Variants in TYW1B observed in about 807,000 individuals in gnomAD.
TYW1B encodes the protein S-adenosyl-L-methionine-dependent tRNA 4-demethylwyosine synthase TYW1B.
Under a neutral mutation model 86.9 loss-of-function variants are expected in TYW1B, and 73 were observed. The observed-to-expected ratio is 0.84, with a 90% confidence interval of 0.70 to 1.02. TYW1B has a LOEUF of 1.02. Among genes scored for constraint, TYW1B ranks in the 50% least tolerant of loss-of-function variants. The pLI is 0.00. For synonymous variants in TYW1B, 248 were observed against 292.8 expected, an observed-to-expected ratio of 0.85 and a Z score of 1.56; for missense variants, 637 against 827.4, an observed-to-expected ratio of 0.77 and a Z score of 2.82.
In TYW1B at chr7:72,575,734, A is replaced by G; in HGVS notation, c.1786-15T>C. ...CCAATTTTAAACTGGAAAGAAAAAA[A>G]TGTGTCAAGTCAGAAGTAAAAACAT... On this transcript the variant is annotated splice_polypyrimidine_tract_variant and intron_variant, in intron 13 of 13. Coordinates refer to ENST00000620995, the MANE Select transcript of TYW1B (RefSeq NM_001145440.3). 7.5e-6 allele frequency: 12 copies of G among 1,590,354 alleles called. No individual in the cohort carries two copies. The highest frequency in any genetic ancestry group is 1.0e-5 in the Non-Finnish European group (12 of 1,169,260).
chr7:72,758,188 C>G (rs577196766), intron 7 of TYW1B, among the ~76,000 whole-genome samples: 1 of 152,136 alleles, frequency 6.6e-6, no homozygotes, highest in African/African-American at 2.4e-5. Flanking sequence ...CCACTGTACT[C>G]CAGCCTGGGT....
Position 72,602,828 on chromosome 7 carries a change from C to A in TYW1B, c.1785+13844G>T, listed in dbSNP as rs540401871. Among the ~76,000 whole-genome samples, 4 of 110,362 alleles carry A rather than the reference C, an allele frequency of 3.6e-5. No individual in the cohort carries two copies. The East Asian group carries it at 1.3e-3, about 36-fold the overall frequency. 72.4% of individuals were successfully genotyped at this position (110,362 alleles called of 152,430 possible). A position where few individuals can be genotyped will look rare whatever the true frequency, so the allele number is the denominator to read the frequency against. On this transcript the variant is annotated intron_variant, in intron 13 of 13. Transcript: ENST00000620995. Reference sequence around the variant, plus strand: ...ATCTTGTAGTGCCAGAAAGAAAGTGCTCAAAACACACACACACACACACAC... The same window carrying A: ...ATCTTGTAGTGCCAGAAAGAAAGTGATCAAAACACACACACACACACACAC...
intron 11 of TYW1B, among the ~76,000 whole-genome samples, chr7:72,650,699 G>A (rs1463577209): frequency 6.6e-6 from 1 of 152,112 alleles, no homozygotes; most frequent in African/African-American, 2.4e-5. Context: ...CTGCCTGTTA[G>A]AGCACACATG....
chr7:72,728,874 C>G lies in TYW1B; in HGVS notation c.1140G>C (p.Met380Ile), dbSNP rs782493809. ...GGTTTTCAATGGCTTCCTTCAAGAT[C>G]ATTTCAGGCTGGTCCATCTTCCACA... ...EWLWKMDQPE[M>I]ILKEAIENHQ... is the part of the protein sequence containing the mutation. Residue 380 changes from methionine to isoleucine, a missense_variant, in exon 9 of 14, where the codon ATG (methionine) becomes ATC (isoleucine). Met to Ile is a conservative substitution (Grantham distance 10). Coordinates refer to ENST00000620995, the MANE Select transcript of TYW1B (RefSeq NM_001145440.3). The G allele has an allele frequency of 6.2e-7, 1 of 1,614,020 alleles. No homozygotes were observed. Among genetic ancestry groups the G allele is most frequent in the South Asian group, 1.1e-5 (1 of 91,052 alleles).
intron 11 of TYW1B, among the ~76,000 whole-genome samples, chr7:72,669,534 G>A (rs1278727518): frequency 6.6e-6 from 1 of 152,056 alleles, no homozygotes; most frequent in Non-Finnish European, 1.5e-5. Flanking sequence ...GGGAGGCCTA[G>A]GTGGGCAGAT....
chr7:72,710,346 A>G (rs1554454458), intron 10 of TYW1B, among the ~76,000 whole-genome samples: 1 of 152,236 alleles, frequency 6.6e-6, no homozygotes. Flanking sequence ...AAACCCAACT[A>G]AAGTTTAAAA....
intron 7 of TYW1B, among the ~76,000 whole-genome samples, chr7:72,763,909 TTC>T (rs1787729011): frequency 6.6e-6 from 1 of 152,232 alleles, no homozygotes; most frequent in Non-Finnish European, 1.5e-5. Context: ...ATATTAGATC[TTC>T]TTTCAGTTAT....
intron 6 of TYW1B, among the ~76,000 whole-genome samples, chr7:72,783,202 C>T (rs1788076500): frequency 6.6e-6 from 1 of 152,004 alleles, no homozygotes; most frequent in South Asian, 2.1e-4. Flanking sequence ...AGTTCGAGAA[C>T]AGCCTGGCCA....
At chr7:72,766,628 A>C (rs1474788680) in intron 7 of TYW1B, among the ~76,000 whole-genome samples, 1 of 142,164 alleles carries the variant, frequency 7.0e-6, no homozygotes, top group Non-Finnish European at 1.5e-5. Flanking sequence ...AAAAAAAAAA[A>C]AAAAACATAA....
chr7:72,770,332 G>T (rs1260421243), intron 7 of TYW1B, among the ~76,000 whole-genome samples: 3 of 150,794 alleles, frequency 2.0e-5, no homozygotes, highest in Non-Finnish European at 2.9e-5. Flanking sequence ...GGGAGGCTGA[G>T]GCAGGAGAAT....
chr7:72,804,144 G>A (rs1459493168), intron 5 of TYW1B, among the ~76,000 whole-genome samples: 2 of 151,496 alleles, frequency 1.3e-5, no homozygotes, highest in African/African-American at 4.8e-5. Flanking sequence ...AATTAACCGG[G>A]CGTGGTGGCG....
At chr7:72,815,354 G>T in intron 3 of TYW1B, 26 bp downstream of exon 3, 1 of 1,556,466 alleles carries the variant, frequency 6.4e-7, no homozygotes, top group East Asian at 2.3e-5. Flanking sequence ...TGAGAGTTTT[G>T]ATTGAAGAAA....
At chr7:72,818,503 T>C (rs1204731209) in intron 2 of TYW1B, among the ~76,000 whole-genome samples, 4 of 127,484 alleles carry the variant, frequency 3.1e-5, no homozygotes, top group Admixed American at 1.1e-4. Flanking sequence ...CGCTTGAGCC[T>C]GGGAGGCAGA....
intron 8 of TYW1B, among the ~76,000 whole-genome samples, chr7:72,736,544 A>G (rs184857339): frequency 7.5e-4 from 115 of 152,330 alleles, no homozygotes; most frequent in African/African-American, 2.5e-3. Flanking sequence ...TTCACTTTTT[A>G]CATGCATCCA....
intron 11 of TYW1B, among the ~76,000 whole-genome samples, chr7:72,687,534 T>C (rs1466297897): frequency 6.6e-6 from 1 of 152,132 alleles, no homozygotes; most frequent in Non-Finnish European, 1.5e-5. Context: ...ACTTGCAAAA[T>C]CATGGAGGAA....
intron 10 of TYW1B, among the ~76,000 whole-genome samples, chr7:72,707,696 C>A (rs1374393822): frequency 6.6e-6 from 1 of 152,190 alleles, no homozygotes; most frequent in African/African-American, 2.4e-5. Context: ...CTGGCTCTCC[C>A]AAAAGTCCTG....
At chr7:72,625,899 G>A (rs1480983677) in intron 12 of TYW1B, among the ~76,000 whole-genome samples, 2 of 83,172 alleles carry the variant, frequency 2.4e-5, no homozygotes, top group Admixed American at 2.4e-4. Context: ...GGTGGGGCGG[G>A]GGGGGGGGAA....
chr7:72,692,163 G>A (rs1359384906), intron 11 of TYW1B, among the ~76,000 whole-genome samples: 5 of 125,596 alleles, frequency 4.0e-5, no homozygotes, highest in South Asian at 5.3e-4. Context: ...CCAAGATCAC[G>A]CCACCACACA....
chr7:72,819,058 T>C (rs1194453546), intron 2 of TYW1B, among the ~76,000 whole-genome samples: 2 of 152,098 alleles, frequency 1.3e-5, no homozygotes, highest in Non-Finnish European at 2.9e-5. Flanking sequence ...AAAGTGAGAT[T>C]TGAGCCAAAG....
Sources: allele counts gnomAD v4.1 joint callset (sites outside exome capture counted in the v4.1 genomes callset), GRCh38; gene constraint gnomAD v4.1.1; transcripts MANE v1.5; gene names NCBI Gene and HGNC (gene_info 2026-07-23, HGNC 2026-07-21).